PPM1E: variants seen among roughly 807,000 people sequenced by gnomAD.
PPM1E encodes protein phosphatase, Mg2+/Mn2+ dependent 1E.
Under a neutral mutation model 65.9 loss-of-function variants are expected in PPM1E, and 20 were observed. The observed-to-expected ratio is 0.30, with a 90% CI of 0.21 to 0.44. The LOEUF (loss-of-function observed/expected upper bound fraction) is 0.44. Ranked by LOEUF, PPM1E falls within the 20% of genes least tolerant of loss-of-function variation. PPM1E has a pLI of 1.00. For synonymous variants in PPM1E, 352 were observed against 374.9 expected, an observed-to-expected ratio of 0.94 and a Z score of 0.70; for missense variants, 713 against 953.1, an observed-to-expected ratio of 0.75 and a Z score of 3.32.
chr17:58,820,077 G>T (rs2050464768), intron 1 of PPM1E, among the ~76,000 whole-genome samples: 1 of 151,802 alleles, frequency 6.6e-6, no homozygotes, highest in African/African-American at 2.4e-5. Context: ...ATAAATAAAG[G>T]ACATGTCTTA....
chr17:58,867,204 T>A (rs1345085054), intron 1 of PPM1E, among the ~76,000 whole-genome samples: 2 of 152,196 alleles, frequency 1.3e-5, no homozygotes, highest in Non-Finnish European at 2.9e-5. Context: ...GGTCTCGAAC[T>A]CCTGACCTCA....
intron 1 of PPM1E, among the ~76,000 whole-genome samples, chr17:58,769,748 C>G (rs577572917): frequency 6.6e-6 from 1 of 151,738 alleles, no homozygotes; most frequent in African/African-American, 2.4e-5. Context: ...GTGGATTGGC[C>G]AGGTGTGGTG....
intron 1 of PPM1E, among the ~76,000 whole-genome samples, chr17:58,788,271 G>A (rs1409993009): frequency 1.3e-5 from 2 of 152,030 alleles, no homozygotes; most frequent in African/African-American, 2.4e-5. Flanking sequence ...GGCTGATCTC[G>A]TACTCTTGAC....
chr17:58,886,484 C>T (rs1344519982), intron 1 of PPM1E, among the ~76,000 whole-genome samples: 4 of 152,118 alleles, frequency 2.6e-5, no homozygotes, highest in Admixed American at 2.6e-4. Context: ...TTCCCATAGC[C>T]GGGGCAGGTT....
intron 6 of PPM1E, among the ~76,000 whole-genome samples, chr17:58,973,410 G>T (rs2030772910): frequency 8.0e-6 from 1 of 124,834 alleles, no homozygotes; most frequent in Admixed American, 7.7e-5. Context: ...GTGTGAGACT[G>T]TCTCAAAAAA....
At chr17:58,935,825 TTTA>T (rs952121679) in intron 1 of PPM1E, among the ~76,000 whole-genome samples, 1 of 152,002 alleles carries the variant, frequency 6.6e-6, no homozygotes, top group Non-Finnish European at 1.5e-5. Flanking sequence ...TTTTTTAAAT[TTTA>T]TTATTATTAT....
rs1446352684 is a variant in PPM1E, at chr17:58,765,455, C to CG, written c.464+8995dup. ...CCTCCCAAAGTGCTGGGATTACAGG[C>CG]GTGAGTCACCATGCCTGGCCATTTT... On this transcript the variant is annotated intron_variant, in intron 1 of 6. Transcript: ENST00000308249. Among the ~76,000 whole-genome samples the CG allele has an allele frequency of 8.6e-5, 13 of 151,880 alleles. No individual in the cohort carries two copies. In the East Asian group the frequency reaches 2.5e-3, roughly 29 times the overall value.
chr17:58,802,146 T>C (rs1039855035), intron 1 of PPM1E, among the ~76,000 whole-genome samples: 1 of 152,242 alleles, frequency 6.6e-6, no homozygotes, highest in Non-Finnish European at 1.5e-5. Flanking sequence ...TGTTTTCAAC[T>C]AGGAGTTTTA....
At chr17:58,836,546 C>A (rs927500086) in intron 1 of PPM1E, among the ~76,000 whole-genome samples, 8 of 150,910 alleles carry the variant, frequency 5.3e-5, no homozygotes, top group Non-Finnish European at 1.0e-4. Flanking sequence ...CTCACTGCAA[C>A]CTCTGCCGCC....
chr17:58,836,458 C>CA (rs964793136), intron 1 of PPM1E, among the ~76,000 whole-genome samples: 13 of 145,760 alleles, frequency 8.9e-5, no homozygotes, highest in African/African-American at 1.0e-4. Flanking sequence ...CCTGTCTTTA[C>CA]AAAAAAAAAA....
intron 1 of PPM1E, among the ~76,000 whole-genome samples, chr17:58,802,552 G>GT (rs938415715): frequency 2.6e-5 from 4 of 151,644 alleles, no homozygotes; most frequent in South Asian, 2.1e-4. Flanking sequence ...AATGTTAGGG[G>GT]TTTTTTTTCT....
intron 2 of PPM1E, among the ~76,000 whole-genome samples, chr17:58,959,415 C>T (rs1253520763): frequency 2.0e-5 from 3 of 150,030 alleles, no homozygotes; most frequent in East Asian, 3.9e-4. Context: ...CTGGCTAACA[C>T]GGTGAAACCC....
At chr17:58,798,634 C>T (rs1043083740) in intron 1 of PPM1E, among the ~76,000 whole-genome samples, 1 of 149,854 alleles carries the variant, frequency 6.7e-6, no homozygotes, top group Admixed American at 6.7e-5. Flanking sequence ...TGCTGCCCTA[C>T]TAAACTTTTG....
intron 1 of PPM1E, among the ~76,000 whole-genome samples, chr17:58,892,979 G>C (rs960243481): frequency 9.9e-5 from 15 of 152,200 alleles, no homozygotes; most frequent in African/African-American, 3.6e-4. Flanking sequence ...AGGATGCGGA[G>C]CAACAAAAAC....
intron 1 of PPM1E, among the ~76,000 whole-genome samples, chr17:58,845,582 A>G (rs1213441639): frequency 6.6e-6 from 1 of 152,186 alleles, no homozygotes; most frequent in South Asian, 2.1e-4. Flanking sequence ...TTTAAGTGGA[A>G]TCATACAGTA....
At chr17:58,813,832 A>C (rs973652884) in intron 1 of PPM1E, among the ~76,000 whole-genome samples, 1 of 152,146 alleles carries the variant, frequency 6.6e-6, no homozygotes, top group African/African-American at 2.4e-5. Flanking sequence ...TATGTACTGG[A>C]GGCAACCTAG....
At chr17:58,796,264 C>T (rs774465100) in intron 1 of PPM1E, among the ~76,000 whole-genome samples, 1 of 152,120 alleles carries the variant, frequency 6.6e-6, no homozygotes, top group Admixed American at 6.6e-5. Flanking sequence ...AGGCTAGTCT[C>T]GAATTCCTGG....
chr17:58,769,074 A>G (rs1480595494), intron 1 of PPM1E, among the ~76,000 whole-genome samples: 1 of 152,158 alleles, frequency 6.6e-6, no homozygotes, highest in Non-Finnish European at 1.5e-5. Context: ...AATGGCAAAA[A>G]TTAAAAAAAA....
At chr17:58,854,231 C>T (rs1370778945) in intron 1 of PPM1E, among the ~76,000 whole-genome samples, 1 of 152,044 alleles carries the variant, frequency 6.6e-6, no homozygotes, top group Non-Finnish European at 1.5e-5. Context: ...ATAGATGCAA[C>T]TGATTTTTGT....
Sources: allele counts gnomAD v4.1 joint callset (sites outside exome capture counted in the v4.1 genomes callset), GRCh38; gene constraint gnomAD v4.1.1; transcripts MANE v1.5; gene names NCBI Gene and HGNC (gene_info 2026-07-23, HGNC 2026-07-21).